Variants in DOCK5 observed in about 807,000 individuals in gnomAD.
DOCK5 encodes dedicator of cytokinesis 5, also known as dedicator of cytokinesis protein 5.
DOCK5 carries 142 observed loss-of-function variants against 251.8 expected under a neutral mutation model. The observed-to-expected ratio is 0.56, with a 90% CI of 0.49 to 0.65. DOCK5 has a LOEUF of 0.65. Among genes scored for constraint, DOCK5 ranks in the 30% least tolerant of loss-of-function variants. DOCK5 has a pLI of 0.00. For synonymous variants in DOCK5, 842 were observed against 835.5 expected (o/e 1.01, Z -0.13); for missense variants, 2,111 against 2,312.3 (o/e 0.91, Z 1.79).
chr8:25,230,722 A>C (rs113344657), intron 1 of DOCK5, among the ~76,000 whole-genome samples: 2,258 of 152,102 alleles, frequency 0.015, 60 homozygotes, highest in African/African-American at 0.051. Flanking sequence ...GTGGTGGTGC[A>C]TGCCTGTAAC....
At chr8:25,295,290 T>A (rs542127995) in intron 6 of DOCK5, among the ~76,000 whole-genome samples, 5 of 151,522 alleles carry the variant, frequency 3.3e-5, no homozygotes, top group African/African-American at 4.8e-5. Flanking sequence ...TTTTTTTTTT[T>A]AATTAGCTGA....
At chr8:25,201,345 G>A (rs1393558449) in intron 1 of DOCK5, among the ~76,000 whole-genome samples, 1 of 152,154 alleles carries the variant, frequency 6.6e-6, no homozygotes, top group Non-Finnish European at 1.5e-5. Flanking sequence ...AACACTAGTA[G>A]CATTACATAA....
intron 27 of DOCK5, among the ~76,000 whole-genome samples, chr8:25,354,188 A>C (rs1800525275): frequency 6.6e-6 from 1 of 152,130 alleles, no homozygotes; most frequent in Non-Finnish European, 1.5e-5. Context: ...GATGGAGTGC[A>C]ATTTAGCAGA....
intron 1 of DOCK5, among the ~76,000 whole-genome samples, chr8:25,202,995 A>G (rs1801915438): frequency 1.3e-5 from 2 of 152,220 alleles, no homozygotes; most frequent in African/African-American, 4.8e-5. Context: ...AGAAACACAC[A>G]TAGAAGCAGT....
chr8:25,273,169 A>G (rs1221615229), intron 3 of DOCK5, among the ~76,000 whole-genome samples: 1 of 152,286 alleles, frequency 6.6e-6, no homozygotes, highest in East Asian at 1.9e-4. Flanking sequence ...AACTGCAGAA[A>G]TCAGGCCCCA....
At chr8:25,237,286 C>T (rs1464277182) in intron 1 of DOCK5, among the ~76,000 whole-genome samples, 1 of 152,192 alleles carries the variant, frequency 6.6e-6, no homozygotes, top group Admixed American at 6.5e-5. Context: ...GGAGGATCAC[C>T]AGAGCCTAGG....
At chr8:25,300,552 A>C (rs1563193536) in intron 8 of DOCK5, 24 bp from the exon 9 acceptor site, 1 of 1,492,356 alleles carries the variant, frequency 6.7e-7, no homozygotes, top group Non-Finnish European at 8.9e-7. Flanking sequence ...TCTCATTAAG[A>C]GCAATTTTTT....
In DOCK5 at chr8:25,212,782, C is replaced by T. The variant is rs997601876; in HGVS notation, c.43+27831C>T. 1.9e-4 allele frequency among the ~76,000 whole-genome samples: 13 copies of T among 69,116 alleles called. 3 individuals are homozygous for T. Among genetic ancestry groups the T allele is most frequent in the African/African-American group, 4.3e-4 (13 of 30,548 alleles). 45.3% of individuals were successfully genotyped at this position (69,116 alleles called of 152,430 possible). A position where few individuals can be genotyped will look rare whatever the true frequency, so the allele number is the denominator to read the frequency against. On this transcript the variant is annotated intron_variant, in intron 1 of 51. Transcript: ENST00000276440. Reference sequence around the variant, plus strand: ...TCAGCAAGGGAGGTCTGTGTCAGGCCAGCGTGATTCTAGATGGGGCTGACA... The same window carrying T: ...TCAGCAAGGGAGGTCTGTGTCAGGCTAGCGTGATTCTAGATGGGGCTGACA...
intron 1 of DOCK5, among the ~76,000 whole-genome samples, chr8:25,239,655 C>T (rs1437199855): frequency 3.3e-5 from 5 of 151,984 alleles, no homozygotes; most frequent in African/African-American, 1.2e-4. Flanking sequence ...AACCAGCAGA[C>T]GAATGAAGGA....
chr8:25,327,263 C>T (rs1312482776), intron 18 of DOCK5, among the ~76,000 whole-genome samples: 2 of 152,172 alleles, frequency 1.3e-5, no homozygotes, highest in Non-Finnish European at 2.9e-5. Flanking sequence ...TTTGATAATT[C>T]TTGTTTTCTT....
chr8:25,282,849 C>CAAAAAAAAAAAAAAAAAAAAAAAAA (rs56687628), intron 5 of DOCK5, among the ~76,000 whole-genome samples: 2 of 39,590 alleles, frequency 5.1e-5, no homozygotes, highest in Non-Finnish European at 9.0e-5. Flanking sequence ...GACCCTTTCT[C>CAAAAAAAAAAAAAAAAAAAAAAAAA]AAAAAAAAAA....
chr8:25,370,029 C>A (rs982671189), intron 34 of DOCK5, among the ~76,000 whole-genome samples: 1 of 152,162 alleles, frequency 6.6e-6, no homozygotes, highest in Non-Finnish European at 1.5e-5. Context: ...GTAAAAAATA[C>A]CTTAGGACCC....
rs73558495 is a variant in DOCK5 at position 25,263,882 on chromosome 8, G to A, written c.128-4963G>A. On this transcript the variant is annotated intron_variant, in intron 2 of 51. Coordinates refer to ENST00000276440, the MANE Select transcript of DOCK5 (RefSeq NM_024940.8). ...CCCAGGAGGGACGGCAGAAGGGGCA[G>A]GATCCATCTCCTGATTCTGTCCTGA... 5.0e-3 allele frequency among the ~76,000 whole-genome samples: 754 copies of A among 151,992 alleles called. 35 individuals carry two copies. Among genetic ancestry groups the A allele is most frequent in the African/African-American group, 0.017 (713 of 41,274 alleles).
At position 25,253,479 on chromosome 8, in the gene DOCK5, C is replaced by T. The variant is rs150301525; in HGVS notation, c.127+9722C>T. Among the ~76,000 whole-genome samples the T allele has an allele frequency of 5.2e-4, 79 of 152,310 alleles. 1 individual carries two copies. The East Asian group carries it at 0.012, about 23-fold the overall frequency. On this transcript the variant is annotated intron_variant, in intron 2 of 51. Transcript: ENST00000276440. ...GTCTTCACACCCCTGATTGCTGTAG[C>T]ATTCACATTATTTGGTGCATAACCT...
chr8:25,227,395 A>T (rs17188062), intron 1 of DOCK5, among the ~76,000 whole-genome samples: 1 of 152,204 alleles, frequency 6.6e-6, no homozygotes, highest in South Asian at 2.1e-4. Context: ...CAAATAGCCA[A>T]TTATACCCAT....
Position 25,336,389 on chromosome 8 carries a change from G to A in DOCK5, c.2327+16G>A, listed in dbSNP as rs374312192. On this transcript the variant is annotated intron_variant, in intron 22 of 51. Transcript: ENST00000276440. ...TCTACTTGAGGTAATGTTAACTGCAGTGAAGATGTTTAGATTATCAGCTGT... is the reference window on the plus strand; with the variant it reads ...TCTACTTGAGGTAATGTTAACTGCAATGAAGATGTTTAGATTATCAGCTGT... 8 of 1,610,198 alleles carry A rather than the reference G, an allele frequency of 5.0e-6. No individual in the cohort carries two copies. The African/African-American group carries it at 6.7e-5, about 13-fold the overall frequency.
At position 25,400,083 on chromosome 8, in the gene DOCK5, A is replaced by G. The variant is rs969652866; in HGVS notation, c.4788+89A>G. The G allele has an allele frequency of 2.9e-6, 3 of 1,026,572 alleles. No homozygotes were observed. In the African/African-American group the frequency reaches 4.9e-5, roughly 17 times the overall value. The allele number at this position is 1,026,572 out of a possible 1,614,324, so 63.6% of individuals were successfully genotyped here. A position where few individuals can be genotyped will look rare whatever the true frequency, so the allele number is the denominator to read the frequency against. ...AGGGCTTAAGTCTACAAGCCCACTC[A>G]GGGTGACTTTTCTTTCTTTTTTTAA... On this transcript the variant is annotated intron_variant, in intron 46 of 51. Transcript: ENST00000276440.
chr8:25,299,075 C>T lies in DOCK5; in HGVS notation c.738C>T (p.Tyr246=), dbSNP rs115024120. The T allele has an allele frequency of 2.1e-4, 334 of 1,613,642 alleles. No individual in the cohort carries two copies. In the African/African-American group the frequency reaches 3.7e-3, roughly 18 times the overall value. ...GEDAELFMAL[Y]DPDQSTFISE... is the part of the protein sequence containing the mutation. ...ATGCAGAGTTGTTTATGGCCCTCTA[C>T]GACCCAGACCAGTCCACTTTTATCA... The change falls in exon 8 of 52, where the codon TAC becomes TAT. Residue 246 remains tyrosine (Y), a synonymous_variant. Coordinates refer to ENST00000276440, the MANE Select transcript of DOCK5 (RefSeq NM_024940.8).
chr8:25,408,206 C>T, intron 49 of DOCK5, 52 bp downstream of exon 49: 1 of 1,512,262 alleles, frequency 6.6e-7, no homozygotes, highest in East Asian at 2.5e-5. Flanking sequence ...CCCCCCTCTC[C>T]CCTGTACCCA....
Sources: gnomAD v4.1 joint callset for allele counts (sites outside exome capture counted in the v4.1 genomes callset) on GRCh38, gnomAD v4.1.1 for gene constraint, MANE v1.5 for transcripts, NCBI Gene and HGNC (gene_info 2026-07-23, HGNC 2026-07-21) for gene names.